P2RY8: variants seen among roughly 807,000 people sequenced by gnomAD.
P2RY8 encodes S-geranylgeranyl-glutathione receptor P2RY8.
P2RY8 carries 6 observed loss-of-function variants against 10.0 expected under a neutral mutation model. That is an observed-to-expected ratio of 0.60 (90% CI 0.33 to 1.19). The LOEUF (loss-of-function observed/expected upper bound fraction) is 1.19. Ranked by LOEUF, P2RY8 falls within the 50% of genes most tolerant of loss-of-function variation. P2RY8 has a pLI of 0.04. For synonymous variants in P2RY8, 276 were observed against 252.5 expected (o/e 1.09, Z -0.88); for missense variants, 456 against 542.0 (o/e 0.84, Z 1.58).
At chrX:1,531,941 C>T (rs1331031286) in intron 1 of P2RY8, among the ~76,000 whole-genome samples, 1 of 152,132 alleles carries the variant, frequency 6.6e-6, no homozygotes, top group African/African-American at 2.4e-5. Flanking sequence ...GAACAGGGAA[C>T]ACGTCTGCAC....
chrX:1,530,157 G>GTATGATCT (rs1448165994), intron 1 of P2RY8, among the ~76,000 whole-genome samples: 48 of 42,540 alleles, frequency 1.1e-3, no homozygotes, highest in African/African-American at 2.3e-3. Context: ...ATGTATGTAT[G>GTATGATCT]ATCTATCTAT....
Position 1,466,642 on chromosome X carries a change from G to C in P2RY8, c.-24-60C>G, listed in dbSNP as rs1415703070. 4.8e-5 allele frequency: 71 copies of C among 1,490,296 alleles called. No homozygotes were observed. The South Asian group carries it at 7.7e-4, about 16-fold the overall frequency. 92.3% of individuals were successfully genotyped at this position (1,490,296 alleles called of 1,614,324 possible). ...GGGCGCAGGTAAAGAGGCGGCTGCC[G>C]GGAGGGCTCCTGAGCGCCGCTCCCC... On this transcript the variant is annotated intron_variant, in intron 1 of 1. Transcript: ENST00000381297.
chrX:1,486,029 G>A (rs2091983204), intron 1 of P2RY8, among the ~76,000 whole-genome samples: 1 of 152,074 alleles, frequency 6.6e-6, no homozygotes, highest in Non-Finnish European at 1.5e-5. Context: ...GACCAGCCTG[G>A]CCAACATGGT....
chrX:1,531,899 C>T (rs1409225271), intron 1 of P2RY8, among the ~76,000 whole-genome samples: 2 of 152,164 alleles, frequency 1.3e-5, no homozygotes, highest in African/African-American at 4.8e-5. Context: ...ATCAAAACAT[C>T]AAGAAATAGC....
rs1400956785 is a variant in P2RY8, at chrX:1,465,261, C to G, written c.*218G>C. 8.3e-6 allele frequency: 6 copies of G among 721,604 alleles called. No individual in the cohort carries two copies. The highest frequency in any genetic ancestry group is 1.3e-5 in the Non-Finnish European group (6 of 457,546). 44.7% of individuals were successfully genotyped at this position (721,604 alleles called of 1,614,324 possible). The stretch of plus-strand genomic sequence containing the variant: ...GCACCCTGTGCGCTGCTGGGCTTTG[C>G]TTGTTTCTCTACCCTGAGTGAAGCC... On this transcript the variant is annotated 3_prime_UTR_variant, in exon 2 of 2. Coordinates refer to ENST00000381297, the MANE Select transcript of P2RY8 (RefSeq NM_178129.5).
At chrX:1,498,379 C>T (rs2092139563) in intron 1 of P2RY8, among the ~76,000 whole-genome samples, 1 of 131,450 alleles carries the variant, frequency 7.6e-6, no homozygotes, top group South Asian at 2.5e-4. Context: ...GCACTCCAGC[C>T]TGGGCGACAG....
chrX:1,524,649 C>CCATG (rs771205517), intron 1 of P2RY8, among the ~76,000 whole-genome samples: 1,500 of 75,264 alleles, frequency 0.02, 261 homozygotes, highest in African/African-American at 0.065. Context: ...ATCCATACAT[C>CCATG]CATCCATCCA....
chrX:1,528,009 C>T (rs1220235827), intron 1 of P2RY8, among the ~76,000 whole-genome samples: 2 of 152,196 alleles, frequency 1.3e-5, no homozygotes, highest in East Asian at 3.8e-4. Flanking sequence ...GTGTGGCCAC[C>T]TGCTGGTCTG....
intron 1 of P2RY8, 40 bp downstream of exon 1, chrX:1,536,881 C>T (rs1233880138): frequency 4.7e-6 from 1 of 214,364 alleles, no homozygotes; most frequent in Non-Finnish European, 9.4e-6. Flanking sequence ...TCTCCCTTGA[C>T]AGTGCAGGAC....
At position 1,524,669 on chromosome X, in the gene P2RY8, T is replaced by TCATCCATCCATCCATCCATC. The variant is rs1208902272; in HGVS notation, c.-25+12232_-25+12251dup. ...TACATCCATCCATCCATCCATCCATTCATCCATCCATCCATCCATCCATCC... is the reference window on the plus strand; with the variant it reads ...TACATCCATCCATCCATCCATCCATTCATCCATCCATCCATCCATCCATCCATCCATCCATCCATCCATCC... On this transcript the variant is annotated intron_variant, in intron 1 of 1. Coordinates refer to ENST00000381297, the MANE Select transcript of P2RY8 (RefSeq NM_178129.5). Among the ~76,000 whole-genome samples the TCATCCATCCATCCATCCATC allele has an allele frequency of 5.9e-5, 3 of 51,062 alleles. 1 individual carries two copies. The highest frequency in any genetic ancestry group is 1.6e-4 in the African/African-American group (2 of 12,234). The allele number at this position is 51,062 out of a possible 152,430, so 33.5% of individuals were successfully genotyped here.
At chrX:1,536,804 C>T (rs2092530409) in intron 1 of P2RY8, 117 bp downstream of exon 1, 1 of 196,048 alleles carries the variant, frequency 5.1e-6, no homozygotes, top group Non-Finnish European at 1.1e-5. Flanking sequence ...GAGAACACGC[C>T]TCATGGAGTT....
At chrX:1,485,704 CAT>C (rs1423548582) in intron 1 of P2RY8, among the ~76,000 whole-genome samples, 2 of 146,880 alleles carry the variant, frequency 1.4e-5, no homozygotes, top group Non-Finnish European at 3.0e-5. Context: ...ATAAATTAAA[CAT>C]GTTATATTGT....
rs779291412 is a variant in P2RY8 at position 1,465,599 on chromosome X, C to T, written c.960G>A (p.Thr320=). Residue 320 remains threonine (T), a synonymous_variant, in exon 2 of 2, where the codon ACG becomes ACA. Coordinates refer to ENST00000381297, the MANE Select transcript of P2RY8 (RefSeq NM_178129.5). ...TGGCGGAGAAGAGGCTCTCGCGGCG[C>T]GTGTCCAGGGTGTCTCTGGGCACCC... ...CRRVPRDTLD[T]RRESLFSART... 3 of 1,613,158 alleles carry T rather than the reference C, an allele frequency of 1.9e-6. No individual in the cohort carries two copies. The highest frequency in any genetic ancestry group is 1.7e-5 in the Admixed American group (1 of 60,004).
At chrX:1,532,714 C>A (rs2092488325) in intron 1 of P2RY8, among the ~76,000 whole-genome samples, 1 of 151,718 alleles carries the variant, frequency 6.6e-6, no homozygotes, top group Admixed American at 6.6e-5. Flanking sequence ...ATAAGAATGC[C>A]ACAACGGCCG....
chrX:1,523,058 G>GA (rs2092404114), intron 1 of P2RY8, among the ~76,000 whole-genome samples: 1 of 147,694 alleles, frequency 6.8e-6, no homozygotes, highest in African/African-American at 2.5e-5. Flanking sequence ...GACAGAGAGA[G>GA]ACTCCATCCC....
At chrX:1,512,077 G>A (rs1275457673) in intron 1 of P2RY8, among the ~76,000 whole-genome samples, 1 of 152,086 alleles carries the variant, frequency 6.6e-6, no homozygotes, top group Non-Finnish European at 1.5e-5. Context: ...GCTGGCGGGG[G>A]GGTCTCCTGT....
intron 1 of P2RY8, among the ~76,000 whole-genome samples, chrX:1,472,564 T>G: frequency 8.1e-6 from 1 of 123,628 alleles, no homozygotes; most frequent in Non-Finnish European, 1.7e-5. Flanking sequence ...TGTGAATGGG[T>G]GGGTAGGTGG....
At chrX:1,493,337 A>G (rs868194487) in intron 1 of P2RY8, among the ~76,000 whole-genome samples, 1 of 59,086 alleles carries the variant, frequency 1.7e-5, no homozygotes, top group African/African-American at 7.5e-5. Context: ...AGGGGAGGGG[A>G]GGGGAGGGGA....
Position 1,465,718 on chromosome X carries a change from G to T in P2RY8, c.841C>A (p.Leu281Ile). The T allele has an allele frequency of 6.2e-7, 1 of 1,613,744 alleles. No individual in the cohort carries two copies. The highest frequency in any genetic ancestry group is 8.5e-7 in the Non-Finnish European group (1 of 1,179,850). ...YYHVYKLTLC[L>I]SCLNNCLDPF... is the part of the protein sequence containing the mutation. ...TCCAGACAGTTGTTGAGGCAGCTGA[G>T]ACACAGCGTGAGCTTGTACACGTGG... Residue 281 changes from leucine (L) to isoleucine (I), a missense_variant, in exon 2 of 2, where the codon CTC (leucine) becomes ATC (isoleucine). By Grantham distance (5) the Leu-to-Ile change is conservative. Coordinates refer to ENST00000381297, the MANE Select transcript of P2RY8 (RefSeq NM_178129.5).
Sources: gnomAD v4.1 joint callset for allele counts (sites outside exome capture counted in the v4.1 genomes callset) on GRCh38, gnomAD v4.1.1 for gene constraint, MANE v1.5 for transcripts, NCBI Gene and HGNC (gene_info 2026-07-23, HGNC 2026-07-21) for gene names.